Variants in SFSWAP observed in about 807,000 individuals in gnomAD.
The protein encoded by SFSWAP is splicing factor, suppressor of white-apricot homolog.
In SFSWAP, 17 loss-of-function variants were observed where a neutral mutation model predicts 100.7. The observed-to-expected ratio is 0.17, with a 90% confidence interval of 0.12 to 0.25. The LOEUF is 0.25. SFSWAP is among the 10% of genes least tolerant of loss of function. The probability of loss-of-function intolerance (pLI) is 1.00; values close to 1 mark genes in which losing one functional copy is unlikely to be tolerated. For missense variants in SFSWAP, 1,005 were observed against 1,262.6 expected, an observed-to-expected ratio of 0.80 and a Z score of 3.09; for synonymous variants, 504 against 510.1, an observed-to-expected ratio of 0.99 and a Z score of 0.16.
At chr12:131,713,873 G>C (rs1877630751) in intron 1 of SFSWAP, 198 bp from the exon 2 acceptor site, 1 of 381,414 alleles carries the variant, frequency 2.6e-6, no homozygotes, top group East Asian at 4.0e-5. Flanking sequence ...AAGATAACTT[G>C]AGTTTAAAAG....
chr12:131,719,538 T>C lies in SFSWAP; in HGVS notation c.605T>C (p.Leu202Ser). The change falls in exon 4 of 18, where the codon TTG becomes TCG. Residue 202 changes from leucine (L) to serine (S), a missense_variant and splice_region_variant. Coordinates refer to ENST00000261674, the MANE Select transcript of SFSWAP (RefSeq NM_004592.4). ...TTGAGCGTCCCGTCTGACGTGGAGT[T>C]GGTATGTGTCCTGCATGAGCACTAG... ...LGLSVPSDVE[L>S]PPTAKMHAII... 1.2e-6 allele frequency: 2 copies of C among 1,609,830 alleles called. No homozygotes were observed. Among genetic ancestry groups the C allele is most frequent in the Non-Finnish European group, 1.7e-6 (2 of 1,176,080 alleles).
intron 7 of SFSWAP, among the ~76,000 whole-genome samples, chr12:131,747,349 A>G (rs578146117): frequency 3.9e-5 from 6 of 152,302 alleles, no homozygotes; most frequent in Admixed American, 3.3e-4. Flanking sequence ...CAGTGCTGGC[A>G]TCATGGGGAC....
rs79376870 is a variant in SFSWAP at position 131,756,025 on chromosome 12, C to G, written c.1549-448C>G. ...GCTCTGCTCTTCTCAGTTATATAGA[C>G]ACCCTGACATTTTTGTAAAGCCAGT... On this transcript the variant is annotated intron_variant, in intron 10 of 17. Transcript: ENST00000261674. Among the ~76,000 whole-genome samples the G allele has an allele frequency of 3.5e-3, 533 of 152,364 alleles. 5 individuals carry two copies. The highest frequency in any genetic ancestry group is 0.013 in the African/African-American group (521 of 41,596).
chr12:131,740,263 A>G (rs1303572566), intron 7 of SFSWAP, among the ~76,000 whole-genome samples: 2 of 152,118 alleles, frequency 1.3e-5, no homozygotes, highest in Admixed American at 6.6e-5. Context: ...TTTAACATAA[A>G]TAGCAATTTG....
intron 13 of SFSWAP, among the ~76,000 whole-genome samples, chr12:131,776,027 G>A (rs915408599): frequency 2.0e-5 from 3 of 152,040 alleles, no homozygotes; most frequent in Admixed American, 6.6e-5. Flanking sequence ...ACTTGAGGCC[G>A]GAAGGCGGAG....
intron 10 of SFSWAP, among the ~76,000 whole-genome samples, 199 bp downstream of exon 10, chr12:131,755,678 C>A (rs963266334): frequency 6.6e-6 from 1 of 152,268 alleles, no homozygotes; most frequent in South Asian, 2.1e-4. Flanking sequence ...CATCTGCCCA[C>A]GTTCACAGCA....
At chr12:131,766,735 T>C (rs576605007) in intron 13 of SFSWAP, among the ~76,000 whole-genome samples, 19 of 152,310 alleles carry the variant, frequency 1.2e-4, no homozygotes, top group Middle Eastern at 6.8e-3. Context: ...GTCAGCACTT[T>C]AATTAAAGAG....
chr12:131,780,203 T>C lies in SFSWAP; in HGVS notation c.2408+1873T>C, dbSNP rs185091101. On this transcript the variant is annotated intron_variant, in intron 14 of 17. Coordinates refer to ENST00000261674, the MANE Select transcript of SFSWAP (RefSeq NM_004592.4). ...CAATTTGATCTTTCACTCTACATTT[T>C]TGCGAGTGTTTTAAACGTTTCATCA... 2.5e-4 allele frequency among the ~76,000 whole-genome samples: 38 copies of C among 152,388 alleles called. 1 individual carries two copies. The highest frequency in any genetic ancestry group is 2.5e-3 in the Admixed American group (38 of 15,308).
At chr12:131,717,979 C>T (rs1369661151) in intron 3 of SFSWAP, among the ~76,000 whole-genome samples, 1 of 152,212 alleles carries the variant, frequency 6.6e-6, no homozygotes, top group African/African-American at 2.4e-5. Context: ...GATCCGCCTG[C>T]CTCGGCCTCC....
intron 14 of SFSWAP, chr12:131,785,071 A>G: frequency 6.5e-7 from 1 of 1,532,784 alleles, no homozygotes. Flanking sequence ...TCCGTGTCAC[A>G]GAGTCACAGC....
chr12:131,772,630 G>T (rs868357174), intron 13 of SFSWAP, among the ~76,000 whole-genome samples: 1 of 152,122 alleles, frequency 6.6e-6, no homozygotes, highest in Non-Finnish European at 1.5e-5. Context: ...CTGGCCTCAC[G>T]GCAGCCTCCA....
Position 131,795,964 on chromosome 12 carries a change from CGGGAGGGGAGGGATAG to C in SFSWAP, c.2535-1201_2535-1186del, listed in dbSNP as rs1356093543. On this transcript the variant is annotated intron_variant, in intron 15 of 17. Transcript: ENST00000261674. Reference sequence around the variant, plus strand: ...CCTGCCCAGGCACCAGCAAGCAGGACGGGAGGGGAGGGATAGGGGAGGGGAGGGGAGAGGGGGAGGG... The same window carrying C: ...CCTGCCCAGGCACCAGCAAGCAGGACGGGAGGGGAGGGGAGAGGGGGAGGG... Among the ~76,000 whole-genome samples the C allele has an allele frequency of 1.9e-3, 216 of 111,034 alleles. 1 individual carries two copies. Among genetic ancestry groups the C allele is most frequent in the Non-Finnish European group, 3.3e-3 (182 of 54,432 alleles). The allele number at this position is 111,034 out of a possible 152,430, so 72.8% of individuals were successfully genotyped here.
chr12:131,759,521 C>A (rs1000018015), intron 11 of SFSWAP, among the ~76,000 whole-genome samples: 1 of 152,032 alleles, frequency 6.6e-6, no homozygotes, highest in Non-Finnish European at 1.5e-5. Context: ...AATAGTAGGC[C>A]GGGCGCGGTG....
At chr12:131,797,468 G>C (rs2136285220) in intron 16 of SFSWAP, 108 bp downstream of exon 16, 1 of 1,047,708 alleles carries the variant, frequency 9.5e-7, no homozygotes, top group South Asian at 1.7e-5. Flanking sequence ...CCTGTGTCCA[G>C]GGGGCGCCAG....
chr12:131,749,877 C>G (rs1055557657), intron 7 of SFSWAP, among the ~76,000 whole-genome samples: 1 of 152,220 alleles, frequency 6.6e-6, no homozygotes, highest in African/African-American at 2.4e-5. Context: ...TACAGGGTCC[C>G]CACGCGAGCC....
chr12:131,796,787 C>CA (rs925052981), intron 15 of SFSWAP: 21 of 167,838 alleles, frequency 1.3e-4, no homozygotes, highest in African/African-American at 1.9e-4. Flanking sequence ...TCTGTTTTTT[C>CA]AAAAAAAAGG....
intron 14 of SFSWAP, among the ~76,000 whole-genome samples, chr12:131,782,719 A>G (rs183155311): frequency 9.2e-5 from 14 of 152,358 alleles, no homozygotes; most frequent in Admixed American, 5.9e-4. Flanking sequence ...TTTAATGGCT[A>G]TACTGTTCCT....
Position 131,734,636 on chromosome 12 carries a change from C to T in SFSWAP, c.1081+6208C>T, listed in dbSNP as rs1002349324. 6.6e-6 allele frequency among the ~76,000 whole-genome samples: 1 copy of T among 152,190 alleles called. No homozygotes were observed. The highest frequency in any genetic ancestry group is 2.4e-5 in the African/African-American group (1 of 41,442). On this transcript the variant is annotated intron_variant, in intron 7 of 17. Transcript: ENST00000261674. The surrounding 1 kb of genome is among the most constrained non-coding windows in gnomAD (Gnocchi z 4.9). ...CTTACTAGCCAGCGTGCTCCTTGCA[C>T]CTCGATCCAAGGGGCCACGGGGCTC...
At chr12:131,771,535 A>G (rs1209548496) in intron 13 of SFSWAP, among the ~76,000 whole-genome samples, 3 of 150,914 alleles carry the variant, frequency 2.0e-5, no homozygotes, top group African/African-American at 7.3e-5. Context: ...TGTGCGAACT[A>G]TTTCTTCATG....
Sources: allele counts gnomAD v4.1 joint callset (sites outside exome capture counted in the v4.1 genomes callset), GRCh38; gene constraint gnomAD v4.1.1; non-coding constraint Gnocchi (gnomAD v3.1); transcripts MANE v1.5; gene names NCBI Gene and HGNC (gene_info 2026-07-23, HGNC 2026-07-21).